The following CNTNAP4 variants were observed in gnomAD, a reference collection of about 807,000 sequenced individuals.
The protein encoded by CNTNAP4 is contactin-associated protein-like 4.
A neutral mutation model predicts 148.4 loss-of-function variants in CNTNAP4; 98 were observed. The observed-to-expected ratio is 0.66, with a 90% CI of 0.56 to 0.78. CNTNAP4 has a LOEUF of 0.78. Ranked by LOEUF, CNTNAP4 falls within the 30% of genes least tolerant of loss-of-function variation. The probability of loss-of-function intolerance (pLI) is 0.00; values close to 1 mark genes in which losing one functional copy is unlikely to be tolerated. For synonymous variants in CNTNAP4, 730 were observed against 565.1 expected, an observed-to-expected ratio of 1.29 and a Z score of -4.14; for missense variants, 1,935 against 1,565.6, an observed-to-expected ratio of 1.24 and a Z score of -3.98.
intron 3 of CNTNAP4, among the ~76,000 whole-genome samples, chr16:76,420,424 A>G (rs2079148834): frequency 6.6e-6 from 1 of 151,950 alleles, no homozygotes; most frequent in Non-Finnish European, 1.5e-5. Context: ...ATTCACTTTT[A>G]CAGGCAACCA....
At position 76,313,918 on chromosome 16, in the gene CNTNAP4, A is replaced by G. The variant is rs547552578; in HGVS notation, c.86-2495A>G. 1.7e-4 allele frequency among the ~76,000 whole-genome samples: 26 copies of G among 152,302 alleles called. 1 individual carries two copies. The highest frequency in any genetic ancestry group is 1.6e-3 in the Admixed American group (25 of 15,294). ...AAATAGAGAAATATTTTTCTGATTA[A>G]TGCAAAAATGGGAACAACTTAAGAG... On this transcript the variant is annotated intron_variant, in intron 1 of 23. Transcript: ENST00000611870.
chr16:76,427,350 T>C (rs1291056437), intron 3 of CNTNAP4, 102 bp from the exon 4 acceptor site: 5 of 889,882 alleles, frequency 5.6e-6, no homozygotes, highest in African/African-American at 3.4e-5. Flanking sequence ...GCACCATTCA[T>C]AGTAAAATGC....
At chr16:76,474,342 T>C (rs2081484771) in intron 10 of CNTNAP4, among the ~76,000 whole-genome samples, 1 of 152,204 alleles carries the variant, frequency 6.6e-6, no homozygotes, top group African/African-American at 2.4e-5. Context: ...AATTGATCAC[T>C]GAAAGTTTTC....
chr16:76,328,093 A>G (rs1477502829), intron 2 of CNTNAP4, among the ~76,000 whole-genome samples: 1 of 152,210 alleles, frequency 6.6e-6, no homozygotes, highest in Non-Finnish European at 1.5e-5. Flanking sequence ...TCTCCGTTCA[A>G]GGAAGTAGAT....
intron 13 of CNTNAP4, among the ~76,000 whole-genome samples, chr16:76,493,780 C>G (rs932575639): frequency 2.0e-5 from 3 of 152,106 alleles, no homozygotes; most frequent in Non-Finnish European, 4.4e-5. Flanking sequence ...CTTCTAATAA[C>G]TCTTTGCTGG....
At chr16:76,540,945 T>A (rs72799060) in intron 21 of CNTNAP4, among the ~76,000 whole-genome samples, 155 bp downstream of exon 21, 29,654 of 152,124 alleles carry the variant, frequency 0.19, 3,607 homozygotes, top group Middle Eastern at 0.32. Context: ...GACAGAGGCA[T>A]ATGCAGGCAT....
chr16:76,542,504 C>G (rs2084506851), intron 21 of CNTNAP4, among the ~76,000 whole-genome samples: 1 of 152,152 alleles, frequency 6.6e-6, no homozygotes, highest in Non-Finnish European at 1.5e-5. Flanking sequence ...ATCTACTTCC[C>G]TACAGATGGC....
At chr16:76,283,663 T>C (rs1163523034) in intron 1 of CNTNAP4, among the ~76,000 whole-genome samples, 1 of 151,772 alleles carries the variant, frequency 6.6e-6, no homozygotes, top group African/African-American at 2.4e-5. Context: ...TTTTGGAGGA[T>C]GGAGAGTGGG....
chr16:76,430,511 G>C (rs13336784), intron 4 of CNTNAP4, among the ~76,000 whole-genome samples: 1 of 151,992 alleles, frequency 6.6e-6, no homozygotes. Context: ...ACAAAAGACT[G>C]TTCTCCCGAA....
intron 15 of CNTNAP4, among the ~76,000 whole-genome samples, chr16:76,513,361 G>T (rs866177066): frequency 6.6e-6 from 1 of 152,108 alleles, no homozygotes; most frequent in African/African-American, 2.4e-5. Flanking sequence ...GACAGTGAAG[G>T]CATGAAGGAA....
intron 9 of CNTNAP4, among the ~76,000 whole-genome samples, chr16:76,462,532 A>G (rs1003844272): frequency 6.6e-6 from 1 of 152,190 alleles, no homozygotes; most frequent in African/African-American, 2.4e-5. Context: ...GCCAAAGGAC[A>G]AATAATTTAA....
intron 11 of CNTNAP4, 78 bp from the exon 12 acceptor site, chr16:76,479,341 G>T: frequency 7.9e-7 from 1 of 1,269,296 alleles, no homozygotes; most frequent in Non-Finnish European, 1.1e-6. Flanking sequence ...TTCAAGATTT[G>T]CGGTATTTCA....
At chr16:76,521,047 T>G (rs1173543678) in intron 15 of CNTNAP4, 93 bp from the exon 16 acceptor site, 1 of 1,196,380 alleles carries the variant, frequency 8.4e-7, no homozygotes, top group Non-Finnish European at 1.2e-6. Context: ...ATAGCAAAAG[T>G]GCTAAAAATA....
intron 1 of CNTNAP4, among the ~76,000 whole-genome samples, chr16:76,291,841 C>G (rs1012326953): frequency 1.8e-4 from 28 of 152,302 alleles, no homozygotes; most frequent in African/African-American, 6.5e-4. Context: ...GGGACAGATG[C>G]TTGCCATACA....
At chr16:76,519,293 T>C (rs1164310014) in intron 15 of CNTNAP4, among the ~76,000 whole-genome samples, 1 of 152,204 alleles carries the variant, frequency 6.6e-6, no homozygotes, top group Non-Finnish European at 1.5e-5. Flanking sequence ...ATTGGTTTCA[T>C]TGCTTTAAAG....
intron 1 of CNTNAP4, among the ~76,000 whole-genome samples, chr16:76,295,384 G>A (rs929542333): frequency 1.3e-5 from 2 of 152,068 alleles, no homozygotes; most frequent in African/African-American, 4.8e-5. Flanking sequence ...AATCTTGAGG[G>A]GTCATTTTAT....
At chr16:76,377,776 T>A (rs2015566453) in intron 3 of CNTNAP4, among the ~76,000 whole-genome samples, 1 of 152,196 alleles carries the variant, frequency 6.6e-6, no homozygotes, top group African/African-American at 2.4e-5. Flanking sequence ...ATAAAAATTC[T>A]CTGTAATTGA....
In CNTNAP4 at chr16:76,348,430, C is replaced by T. The variant is rs564699693; in HGVS notation, c.197-6888C>T. Among the ~76,000 whole-genome samples, 3 of 152,076 alleles carry T rather than the reference C, an allele frequency of 2.0e-5. No individual in the cohort carries two copies. In the East Asian group the frequency reaches 5.8e-4, roughly 29 times the overall value. On this transcript the variant is annotated intron_variant, in intron 2 of 23. Coordinates refer to ENST00000611870, the MANE Select transcript of CNTNAP4 (RefSeq NM_033401.5). ...TTAAATTCATCAGGCTAAGAGAGAT[C>T]AACGGGGAGTGAATGCAGAGAGAAA...
intron 11 of CNTNAP4, among the ~76,000 whole-genome samples, chr16:76,476,758 C>A (rs1426450496): frequency 6.6e-6 from 1 of 152,130 alleles, no homozygotes; most frequent in African/African-American, 2.4e-5. Context: ...GCTTCACTCT[C>A]ATGGCCTAAT....
Sources: allele counts gnomAD v4.1 joint callset (sites outside exome capture counted in the v4.1 genomes callset), GRCh38; gene constraint gnomAD v4.1.1; transcripts MANE v1.5; gene names NCBI Gene and HGNC (gene_info 2026-07-23, HGNC 2026-07-21).